DNMT1: variants seen among roughly 807,000 people sequenced by gnomAD.
DNMT1 encodes the protein DNA methyltransferase 1, also known as DNA (cytosine-5)-methyltransferase 1.
DNMT1 carries 24 observed loss-of-function variants against 205.3 expected under a neutral mutation model. The observed-to-expected ratio is 0.12, with a 90% CI of 0.08 to 0.16. DNMT1 has a LOEUF of 0.16. DNMT1 is among the 10% of genes least tolerant of loss of function. The probability of loss-of-function intolerance (pLI) is 1.00; values close to 1 mark genes in which losing one functional copy is unlikely to be tolerated. For missense variants in DNMT1, 1,293 were observed against 2,177.7 expected, an observed-to-expected ratio of 0.59 and a Z score of 8.09; for synonymous variants, 817 against 839.8, an observed-to-expected ratio of 0.97 and a Z score of 0.47.
At position 10,156,094 on chromosome 19, in the gene DNMT1, A is replaced by AC; in HGVS notation, c.1400-150dup. ...GACTTGGCCTACAGCTGCTCCTGGC[A>AC]CAAAGTCTCACACCCTAACTTTAAG... is the stretch of plus-strand genomic sequence containing the variant. On this transcript the variant is annotated intron_variant, in intron 18 of 40. Transcript: ENST00000359526. This position sits in a 1 kb window ranked among gnomAD's most constrained non-coding sequence, Gnocchi z 4.2. The AC allele has an allele frequency of 1.3e-6, 1 of 763,262 alleles. No homozygotes were observed. Among genetic ancestry groups the AC allele is most frequent in the Non-Finnish European group, 2.2e-6 (1 of 451,732 alleles). 47.3% of individuals were successfully genotyped at this position (763,262 alleles called of 1,614,324 possible).
At chr19:10,141,638 G>A (rs775252365) in intron 30 of DNMT1, 46 of 335,204 alleles carry the variant, frequency 1.4e-4, no homozygotes, top group Non-Finnish European at 2.4e-4. Flanking sequence ...GCTGGGCCTG[G>A]ACGTAGGCGC....
chr19:10,135,876 C>T (rs760257801), intron 38 of DNMT1, 24 bp from the exon 39 acceptor site: 22 of 1,541,054 alleles, frequency 1.4e-5, no homozygotes, highest in African/African-American at 5.5e-5. Flanking sequence ...GCGCGGTGGG[C>T]GAGGGCAGTA....
At position 10,194,946 on chromosome 19, in the gene DNMT1, C is replaced by A. The variant is rs2145418207; in HGVS notation, c.-47G>T. 1.9e-6 allele frequency: 3 copies of A among 1,569,850 alleles called. No individual in the cohort carries two copies. The highest frequency in any genetic ancestry group is 1.9e-5 in the Admixed American group (1 of 53,734). ...GGCGGCGGCAGCGCAGGCGCCCCGG[C>A]TTTTCGCGCGGAAACCGATGGGGAG... On this transcript the variant is annotated 5_prime_UTR_variant, in exon 1 of 41. Transcript: ENST00000359526.
chr19:10,182,026 T>G lies in DNMT1; in HGVS notation c.117+15A>C. ...TCAGATTTGGTAATAAGAAAAATTTTAAGGTGGAGATTACCTTTTCTGTTA... is the reference window on the plus strand; with the variant it reads ...TCAGATTTGGTAATAAGAAAAATTTGAAGGTGGAGATTACCTTTTCTGTTA... On this transcript the variant is annotated intron_variant, in intron 2 of 40. Coordinates refer to ENST00000359526, the MANE Select transcript of DNMT1 (RefSeq NM_001130823.3). 1 of 1,611,622 alleles carries G rather than the reference T, an allele frequency of 6.2e-7. No homozygotes were observed.
chr19:10,169,299 T>C (rs1224331773), intron 9 of DNMT1, among the ~76,000 whole-genome samples: 2 of 149,976 alleles, frequency 1.3e-5, no homozygotes, highest in Non-Finnish European at 3.0e-5. Context: ...TCCCAGCACT[T>C]TGGGAGGCCG....
At position 10,137,909 on chromosome 19, in the gene DNMT1, C is replaced by G; in HGVS notation, c.4216G>C (p.Gly1406Arg). ...CTCTGGAACCAGGACTGAGGCTCCC[C>G]GTTGTAGGAGATCTCCAGTGCCGAG... ...GASALEISYN[G>R]EPQSWFQRQL... The change falls in exon 36 of 41, where the codon GGG (glycine) becomes CGG (arginine). Residue 1406 changes from glycine (G) to arginine (R), a missense_variant. By Grantham distance (125) the Gly-to-Arg change is moderately radical. Transcript: ENST00000359526. The surrounding 1 kb of genome is among the most constrained non-coding windows in gnomAD (Gnocchi z 6.4). 9 of 1,613,252 alleles carry G rather than the reference C, an allele frequency of 5.6e-6. No individual in the cohort carries two copies. Among genetic ancestry groups the G allele is most frequent in the Non-Finnish European group, 7.6e-6 (9 of 1,179,812 alleles).
intron 9 of DNMT1, among the ~76,000 whole-genome samples, chr19:10,170,775 T>TTTTG (rs538247311): frequency 7.9e-5 from 12 of 152,046 alleles, no homozygotes; most frequent in Middle Eastern, 6.8e-3. Flanking sequence ...CTTGGTTTTT[T>TTTTG]TTTGTTTGTT....
intron 8 of DNMT1, 79 bp from the exon 9 acceptor site, chr19:10,173,253 T>G: frequency 7.0e-7 from 1 of 1,426,850 alleles, no homozygotes; most frequent in Non-Finnish European, 9.9e-7. Flanking sequence ...AAAGCTCCTC[T>G]TTCCCCCAAA....
chr19:10,160,929 C>T (rs1164751884), intron 13 of DNMT1, among the ~76,000 whole-genome samples: 1 of 152,150 alleles, frequency 6.6e-6, no homozygotes, highest in Non-Finnish European at 1.5e-5. Flanking sequence ...CCAAAGACTT[C>T]CTGAAAAGAT....
At chr19:10,150,720 A>G (rs974156949) in intron 24 of DNMT1, among the ~76,000 whole-genome samples, 1 of 152,210 alleles carries the variant, frequency 6.6e-6, no homozygotes, top group African/African-American at 2.4e-5. Context: ...ATGACCACAG[A>G]ACGGATGGGA....
chr19:10,140,861 A>C lies in DNMT1; in HGVS notation c.3443T>G (p.Ile1148Arg), dbSNP rs545615552. ...SQACEPSEPE[I>R]EIKLPKLRTL... ...CCGCAGCTTGGGCAGCTTGATCTCTATCTCTGGCTCGCTCGGCTCACAGGC... is the reference window on the plus strand; with the variant it reads ...CCGCAGCTTGGGCAGCTTGATCTCTCTCTCTGGCTCGCTCGGCTCACAGGC... Residue 1148 changes from isoleucine to arginine, a missense_variant, in exon 32 of 41, where the codon ATA (isoleucine) becomes AGA (arginine). Coordinates refer to ENST00000359526, the MANE Select transcript of DNMT1 (RefSeq NM_001130823.3). This position sits in a 1 kb window ranked among gnomAD's most constrained non-coding sequence, Gnocchi z 8.4. 1.1e-5 allele frequency: 18 copies of C among 1,614,144 alleles called. No individual in the cohort carries two copies. The East Asian group carries it at 2.2e-4, about 20-fold the overall frequency.
intron 24 of DNMT1, among the ~76,000 whole-genome samples, chr19:10,150,626 T>A (rs1443908042): frequency 1.3e-5 from 2 of 152,172 alleles, no homozygotes; most frequent in Admixed American, 1.3e-4. Flanking sequence ...CATCTTTAAT[T>A]TATGGACGTC....
chr19:10,148,219 A>G (rs925904878), intron 27 of DNMT1, among the ~76,000 whole-genome samples: 5 of 150,180 alleles, frequency 3.3e-5, no homozygotes, highest in Non-Finnish European at 3.0e-5. Flanking sequence ...AATCGAGGAC[A>G]GGTGTGGTGG....
intron 2 of DNMT1, 40 bp downstream of exon 2, chr19:10,182,001 T>C: frequency 6.3e-7 from 1 of 1,580,910 alleles, no homozygotes; most frequent in Non-Finnish European, 8.7e-7. Context: ...AGTGTGTCAG[T>C]CAGATTTGGT....
At position 10,140,490 on chromosome 19, in the gene DNMT1, C is replaced by G; in HGVS notation, c.3524-162G>C. The G allele has an allele frequency of 9.0e-7, 1 of 1,109,908 alleles. No homozygotes were observed. The highest frequency in any genetic ancestry group is 1.3e-6 in the Non-Finnish European group (1 of 773,122). The allele number at this position is 1,109,908 out of a possible 1,614,324, so 68.8% of individuals were successfully genotyped here. On this transcript the variant is annotated intron_variant, in intron 32 of 40. Coordinates refer to ENST00000359526, the MANE Select transcript of DNMT1 (RefSeq NM_001130823.3). This position sits in a 1 kb window ranked among gnomAD's most constrained non-coding sequence, Gnocchi z 8.4. ...GTTCAAGCGATTCTCCCACCTCAGC[C>G]TCCTGAGTAGCTGGGACTACAGGCA...
chr19:10,190,341 C>G (rs1163807749), intron 1 of DNMT1, among the ~76,000 whole-genome samples: 1 of 152,158 alleles, frequency 6.6e-6, no homozygotes, highest in Non-Finnish European at 1.5e-5. Context: ...GGCAGACACG[C>G]TCTGGTAACA....
At chr19:10,184,258 G>A in intron 1 of DNMT1, 1 of 152,258 alleles carries the variant, frequency 6.6e-6, no homozygotes, top group African/African-American at 2.4e-5. Context: ...GGCCTGGTGG[G>A]GGGTGGTGGC....
In DNMT1 at chr19:10,159,644, G is replaced by A. The variant is rs372425803; in HGVS notation, c.1280+14C>T. The A allele has an allele frequency of 5.2e-5, 84 of 1,613,176 alleles. No individual in the cohort carries two copies. The highest frequency in any genetic ancestry group is 1.6e-4 in the Middle Eastern group (1 of 6,076). On this transcript the variant is annotated intron_variant, in intron 17 of 40. Transcript: ENST00000359526. The surrounding 1 kb of genome is among the most constrained non-coding windows in gnomAD (Gnocchi z 5.0). ...CCTTCCACGAAGCAAACATGCACAC[G>A]AAAGTGCACTTACCTGAAGCAGGTC...
At chr19:10,178,297 C>T (rs1325971000) in intron 5 of DNMT1, among the ~76,000 whole-genome samples, 1 of 151,808 alleles carries the variant, frequency 6.6e-6, no homozygotes, top group Non-Finnish European at 1.5e-5. Context: ...TGGCTTACAC[C>T]TGTAATCTCA....
Sources: gnomAD v4.1 joint callset for allele counts (sites outside exome capture counted in the v4.1 genomes callset) on GRCh38, gnomAD v4.1.1 for gene constraint, Gnocchi (gnomAD v3.1) non-coding constraint, MANE v1.5 for transcripts, NCBI Gene and HGNC (gene_info 2026-07-23, HGNC 2026-07-21) for gene names.